RXFP2: variants seen among roughly 807,000 people sequenced by gnomAD.
RXFP2 encodes relaxin family peptide receptor 2.
RXFP2 carries 68 observed loss-of-function variants against 88.6 expected under a neutral mutation model. The observed-to-expected ratio is 0.77, with a 90% confidence interval of 0.63 to 0.94. The LOEUF (loss-of-function observed/expected upper bound fraction) is 0.94. Ranked by LOEUF, RXFP2 falls within the 40% of genes least tolerant of loss-of-function variation. RXFP2 has a pLI of 0.00. For missense variants in RXFP2, 791 were observed against 893.9 expected, an observed-to-expected ratio of 0.88 and a Z score of 1.47; for synonymous variants, 329 against 306.8, an observed-to-expected ratio of 1.07 and a Z score of -0.76.
intron 7 of RXFP2, among the ~76,000 whole-genome samples, 160 bp downstream of exon 7, chr13:31,775,549 T>A (rs986362602): frequency 2.0e-5 from 3 of 152,218 alleles, no homozygotes; most frequent in African/African-American, 7.2e-5. Context: ...TTCAATGTCA[T>A]GTCAAGTAGT....
intron 1 of RXFP2, among the ~76,000 whole-genome samples, chr13:31,747,328 T>TA (rs1045987420): frequency 3.0e-4 from 46 of 151,868 alleles, no homozygotes; most frequent in Admixed American, 7.9e-4. Flanking sequence ...GAAAATGGCT[T>TA]AAAAAAAACA....
intron 2 of RXFP2, among the ~76,000 whole-genome samples, chr13:31,759,940 C>T (rs1242806393): frequency 1.3e-5 from 2 of 152,152 alleles, no homozygotes; most frequent in Non-Finnish European, 2.9e-5. Flanking sequence ...GTCTCCTCCT[C>T]CAGGAGGGCT....
chr13:31,739,548 T>C lies in RXFP2; in HGVS notation c.-65T>C. The C allele has an allele frequency of 2.0e-6, 2 of 1,017,244 alleles. No individual in the cohort carries two copies. The highest frequency in any genetic ancestry group is 3.1e-6 in the Non-Finnish European group (2 of 637,296). 63.0% of individuals were successfully genotyped at this position (1,017,244 alleles called of 1,614,324 possible). On this transcript the variant is annotated 5_prime_UTR_variant, in exon 1 of 18. Coordinates refer to ENST00000298386, the MANE Select transcript of RXFP2 (RefSeq NM_130806.5). Reference sequence around the variant, plus strand: ...CTCAGAACATGGGAGGCACTGAACTTACTACATCAGAACTCCTGCTGAGGT... The same window carrying C: ...CTCAGAACATGGGAGGCACTGAACTCACTACATCAGAACTCCTGCTGAGGT...
At chr13:31,742,292 G>A (rs1871250714) in intron 1 of RXFP2, among the ~76,000 whole-genome samples, 1 of 152,178 alleles carries the variant, frequency 6.6e-6, no homozygotes. Context: ...GTGTTTGACT[G>A]CCCCCTAGTG....
At position 31,775,496 on chromosome 13, in the gene RXFP2, C is replaced by A. The variant is rs1872908216; in HGVS notation, c.641+107C>A. 2.2e-5 allele frequency: 19 copies of A among 863,526 alleles called. No individual in the cohort carries two copies. In the South Asian group the frequency reaches 2.6e-4, roughly 12 times the overall value. The allele number at this position is 863,526 out of a possible 1,614,324, so 53.5% of individuals were successfully genotyped here. ...TTGACATATCTTATTTTTATACTTG[C>A]TTTTCTGATTATCATATAATCTGCA... is the stretch of plus-strand genomic sequence containing the variant. On this transcript the variant is annotated intron_variant, in intron 7 of 17. Transcript: ENST00000298386.
chr13:31,748,321 C>T (rs1413072005), intron 1 of RXFP2, among the ~76,000 whole-genome samples: 2 of 152,142 alleles, frequency 1.3e-5, no homozygotes, highest in Admixed American at 1.3e-4. Context: ...TTTTCCAAAG[C>T]AGCTGTTCCA....
At chr13:31,774,470 C>G (rs1872856477) in intron 5 of RXFP2, 150 bp from the exon 6 acceptor site, 2 of 671,410 alleles carry the variant, frequency 3.0e-6, no homozygotes, top group South Asian at 3.2e-5. Context: ...GTAGCCATTT[C>G]TCACTGACAA....
At chr13:31,790,243 C>T (rs1423116954) in intron 14 of RXFP2, among the ~76,000 whole-genome samples, 4 of 152,042 alleles carry the variant, frequency 2.6e-5, no homozygotes, top group Non-Finnish European at 4.4e-5. Flanking sequence ...CACCTGACAA[C>T]GAGTAGTGTG....
intron 3 of RXFP2, among the ~76,000 whole-genome samples, chr13:31,762,501 A>T (rs576131309): frequency 1.3e-5 from 2 of 152,236 alleles, no homozygotes; most frequent in East Asian, 3.8e-4. Flanking sequence ...GTGCTAGCCC[A>T]TGAAGGGTTT....
At chr13:31,743,073 A>C (rs190317643) in intron 1 of RXFP2, among the ~76,000 whole-genome samples, 56 of 152,328 alleles carry the variant, frequency 3.7e-4, no homozygotes, top group African/African-American at 1.3e-3. Flanking sequence ...TTAAGTTTGC[A>C]GTGAAGGTCA....
intron 7 of RXFP2, among the ~76,000 whole-genome samples, chr13:31,776,552 C>A (rs777997647): frequency 6.6e-6 from 1 of 152,050 alleles, no homozygotes; most frequent in Non-Finnish European, 1.5e-5. Context: ...AGCCACCACG[C>A]CCAGCCCAGG....
At chr13:31,766,976 T>C (rs1872575245) in intron 5 of RXFP2, among the ~76,000 whole-genome samples, 1 of 152,154 alleles carries the variant, frequency 6.6e-6, no homozygotes, top group Admixed American at 6.5e-5. Flanking sequence ...AGCAAGAGAA[T>C]GCTGTACACG....
At chr13:31,754,343 C>A (rs1161835507) in intron 1 of RXFP2, among the ~76,000 whole-genome samples, 1 of 152,110 alleles carries the variant, frequency 6.6e-6, no homozygotes, top group Admixed American at 6.5e-5. Flanking sequence ...CCAGCCTGAC[C>A]ATTATGGTGA....
At chr13:31,750,955 C>T (rs1871642616) in intron 1 of RXFP2, among the ~76,000 whole-genome samples, 2 of 152,186 alleles carry the variant, frequency 1.3e-5, no homozygotes, top group South Asian at 2.1e-4. Flanking sequence ...TTGGTTGACT[C>T]GTTTGTTTTG....
chr13:31,788,858 C>T (rs1348403166), intron 13 of RXFP2, among the ~76,000 whole-genome samples: 2 of 152,124 alleles, frequency 1.3e-5, no homozygotes, highest in Non-Finnish European at 2.9e-5. Context: ...ACACAAATCA[C>T]CACTGCCATT....
chr13:31,801,087 C>A (rs966750688), intron 17 of RXFP2, among the ~76,000 whole-genome samples: 7 of 151,814 alleles, frequency 4.6e-5, no homozygotes, highest in Non-Finnish European at 8.8e-5. Context: ...CAGAAAGATA[C>A]AAGAAATAAG....
At position 31,802,569 on chromosome 13, in the gene RXFP2, T is replaced by A; in HGVS notation, c.*164T>A. 1.3e-6 allele frequency: 1 copy of A among 793,550 alleles called. No individual in the cohort carries two copies. The highest frequency in any genetic ancestry group is 2.1e-6 in the Non-Finnish European group (1 of 465,220). The allele number at this position is 793,550 out of a possible 1,614,324, so 49.2% of individuals were successfully genotyped here. On this transcript the variant is annotated 3_prime_UTR_variant, in exon 18 of 18. Transcript: ENST00000298386. ...CACTGCATTCCAATGGCAGCTGTAC[T>A]ATCTACCAACCATGCTGAGGACAGC...
chr13:31,760,220 C>G (rs1872240279), intron 2 of RXFP2, among the ~76,000 whole-genome samples: 1 of 152,108 alleles, frequency 6.6e-6, no homozygotes, highest in Non-Finnish European at 1.5e-5. Flanking sequence ...TCATGAGTAG[C>G]TGGGATTACA....
chr13:31,795,104 C>T (rs183831738), intron 16 of RXFP2, among the ~76,000 whole-genome samples: 1 of 151,766 alleles, frequency 6.6e-6, no homozygotes, highest in Non-Finnish European at 1.5e-5. Flanking sequence ...CTGGTTTCCC[C>T]TATTGTTAAC....
Sources: allele counts gnomAD v4.1 joint callset (sites outside exome capture counted in the v4.1 genomes callset), GRCh38; gene constraint gnomAD v4.1.1; transcripts MANE v1.5; gene names NCBI Gene and HGNC (gene_info 2026-07-23, HGNC 2026-07-21).